Variants in HIRA observed in about 807,000 individuals in gnomAD.
HIRA encodes protein HIRA.
Under a neutral mutation model 126.6 loss-of-function variants are expected in HIRA, and 13 were observed. The ratio of observed to expected loss-of-function variants is 0.10; its 90% CI spans 0.07 to 0.16. The LOEUF is 0.16. Ranked by LOEUF, HIRA falls within the 10% of genes least tolerant of loss-of-function variation. The pLI, the probability that HIRA is intolerant of heterozygous loss-of-function variation, is 1.00. For missense variants in HIRA, 834 were observed against 1,314.4 expected, an observed-to-expected ratio of 0.63 and a Z score of 5.65; for synonymous variants, 511 against 520.0, an observed-to-expected ratio of 0.98 and a Z score of 0.24.
Position 19,431,531 on chromosome 22 carries a change from C to T in HIRA, c.-55G>A, listed in dbSNP as rs2089539453. ...GCGAGCGCCGGGTCCCTCAGCGCGC[C>T]CGGGCCATGGAGCCACCGCCGCCGC... On this transcript the variant is annotated 5_prime_UTR_variant, in exon 1 of 25. Coordinates refer to ENST00000263208, the MANE Select transcript of HIRA (RefSeq NM_003325.4). 5.5e-6 allele frequency: 8 copies of T among 1,465,182 alleles called. No individual in the cohort carries two copies. The highest frequency in any genetic ancestry group is 7.3e-6 in the Non-Finnish European group (8 of 1,102,012). The allele number at this position is 1,465,182 out of a possible 1,614,324, so 90.8% of individuals were successfully genotyped here.
At chr22:19,380,665 A>G (rs2033437592) in intron 13 of HIRA, among the ~76,000 whole-genome samples, 1 of 152,044 alleles carries the variant, frequency 6.6e-6, no homozygotes, top group Admixed American at 6.6e-5. Flanking sequence ...CAGGCTGGAG[A>G]GTGGCACTAT....
chr22:19,396,719 G>A, intron 7 of HIRA, 68 bp downstream of exon 7: 1 of 1,547,380 alleles, frequency 6.5e-7, no homozygotes, highest in Non-Finnish European at 8.8e-7. Flanking sequence ...CTCCCTCTCT[G>A]TACACAGAAG....
At chr22:19,373,931 C>CTTTTTTTTTTTTTTTTT (rs1254884863) in intron 15 of HIRA, among the ~76,000 whole-genome samples, 5 of 149,890 alleles carry the variant, frequency 3.3e-5, no homozygotes, top group South Asian at 2.2e-4. Flanking sequence ...ACTGCTCTGG[C>CTTTTTTTTTTTTTTTTT]TTTTTTGTTC....
chr22:19,429,427 T>C (rs190233594), intron 1 of HIRA, among the ~76,000 whole-genome samples: 397 of 152,196 alleles, frequency 2.6e-3, no homozygotes, highest in African/African-American at 9.0e-3. Context: ...TGTGCCACCG[T>C]GCCCAGCCTC....
intron 1 of HIRA, among the ~76,000 whole-genome samples, chr22:19,423,070 G>A (rs1204544562): frequency 6.6e-6 from 1 of 152,122 alleles, no homozygotes; most frequent in East Asian, 1.9e-4. Context: ...CTCCTTCAAT[G>A]GTGTGGATCC....
intron 1 of HIRA, among the ~76,000 whole-genome samples, chr22:19,422,203 T>TACACAC (rs750767143): frequency 1.8e-5 from 1 of 55,910 alleles, no homozygotes; most frequent in East Asian, 4.8e-4. Context: ...CATACACATA[T>TACACAC]ATATATATAC....
At chr22:19,341,582 G>A (rs1428024972) in intron 24 of HIRA, among the ~76,000 whole-genome samples, 1 of 152,058 alleles carries the variant, frequency 6.6e-6, no homozygotes, top group East Asian at 1.9e-4. Context: ...AAAACAGCAT[G>A]GTACTGGTAT....
rs2089540986 is a variant in HIRA at position 19,431,656 on chromosome 22, C to T, written c.-180G>A. 1.7e-6 allele frequency: 1 copy of T among 580,386 alleles called. No individual in the cohort carries two copies. The highest frequency in any genetic ancestry group is 2.0e-5 in the African/African-American group (1 of 50,124). 36.0% of individuals were successfully genotyped at this position (580,386 alleles called of 1,614,324 possible). ...CGCCCCCCTCCGCCGCCACAGCCGC[C>T]ACCCGCGCTCGGCCGCCGCCGCCGC... On this transcript the variant is annotated 5_prime_UTR_variant, in exon 1 of 25. Transcript: ENST00000263208.
At chr22:19,387,973 G>C (rs1401503852) in intron 10 of HIRA, among the ~76,000 whole-genome samples, 157 bp from the exon 11 acceptor site, 2 of 144,872 alleles carry the variant, frequency 1.4e-5, no homozygotes, top group Admixed American at 6.8e-5. Flanking sequence ...TGGCCTGGGC[G>C]GGGGGGGGAG....
chr22:19,380,387 T>A (rs1302538851), intron 13 of HIRA, among the ~76,000 whole-genome samples: 2 of 152,334 alleles, frequency 1.3e-5, no homozygotes, highest in Non-Finnish European at 1.5e-5. Context: ...CAATGTTTTA[T>A]CACTGATGTG....
chr22:19,365,143 T>C (rs1268162555), intron 15 of HIRA, among the ~76,000 whole-genome samples: 1 of 152,158 alleles, frequency 6.6e-6, no homozygotes, highest in African/African-American at 2.4e-5. Context: ...CTAGCAGAGG[T>C]TGGCTCATGA....
chr22:19,365,189 C>T (rs565673641), intron 15 of HIRA, among the ~76,000 whole-genome samples: 4 of 152,310 alleles, frequency 2.6e-5, no homozygotes, highest in African/African-American at 7.2e-5. Context: ...TAACATAAAA[C>T]GGCAAGGTGA....
intron 22 of HIRA, 107 bp from the exon 23 acceptor site, chr22:19,353,626 G>A: frequency 3.5e-6 from 4 of 1,138,290 alleles, no homozygotes; most frequent in Non-Finnish European, 4.9e-6. Flanking sequence ...CAGGCACCAG[G>A]GCTGCCAAGG....
chr22:19,375,716 C>T lies in HIRA; in HGVS notation c.1690G>A (p.Ala564Thr). Residue 564 changes from alanine (A) to threonine (T), a missense_variant, in exon 15 of 25, where the codon GCG becomes ACG. Physicochemically the swap from Ala to Thr is moderately conservative, Grantham distance 58. Transcript: ENST00000263208. The part of the protein sequence containing the change: ...TTPSKIEPMK[A>T]FDSRFTERSK... Reference sequence around the variant, plus strand: ...CGCTCTGTGAACCGGGAGTCAAACGCTTTCATGGGTTCGATCTTGGACGGG... The same window carrying T: ...CGCTCTGTGAACCGGGAGTCAAACGTTTTCATGGGTTCGATCTTGGACGGG... The T allele has an allele frequency of 6.2e-7, 1 of 1,614,178 alleles. No homozygotes were observed. Among genetic ancestry groups the T allele is most frequent in the Non-Finnish European group, 8.5e-7 (1 of 1,180,036 alleles).
intron 24 of HIRA, among the ~76,000 whole-genome samples, chr22:19,346,041 G>C (rs563388102): frequency 6.6e-6 from 1 of 152,166 alleles, no homozygotes; most frequent in African/African-American, 2.4e-5. Flanking sequence ...TCAATAGATA[G>C]TTCAAAAAAG....
At chr22:19,335,496 C>T (rs902182475) in intron 24 of HIRA, among the ~76,000 whole-genome samples, 2 of 152,136 alleles carry the variant, frequency 1.3e-5, no homozygotes, top group Admixed American at 1.3e-4. Flanking sequence ...CTGTCCACCT[C>T]GGCCTCCCAA....
In HIRA at chr22:19,372,299, T is replaced by C. The variant is rs933358429; in HGVS notation, c.1775+3332A>G. Among the ~76,000 whole-genome samples, 32 of 152,234 alleles carry C rather than the reference T, an allele frequency of 2.1e-4. 1 individual carries two copies. Among genetic ancestry groups the C allele is most frequent in the African/African-American group, 6.5e-4 (27 of 41,458 alleles). Reference sequence around the variant, plus strand: ...AGACCTCCAAATGGGTATGAAGTATTTCATTGAAGTTTTGCTTTGTATTTC... The same window carrying C: ...AGACCTCCAAATGGGTATGAAGTATCTCATTGAAGTTTTGCTTTGTATTTC... On this transcript the variant is annotated intron_variant, in intron 15 of 24. Coordinates refer to ENST00000263208, the MANE Select transcript of HIRA (RefSeq NM_003325.4).
intron 13 of HIRA, among the ~76,000 whole-genome samples, chr22:19,379,516 T>C (rs2089051845): frequency 6.7e-6 from 1 of 150,274 alleles, no homozygotes; most frequent in Non-Finnish European, 1.5e-5. Context: ...TCCCAGCTAC[T>C]TGGGAGGCTG....
intron 5 of HIRA, chr22:19,399,057 G>GC: frequency 1.1e-6 from 1 of 872,174 alleles, no homozygotes; most frequent in Non-Finnish European, 1.4e-6. Context: ...ATAAACTGCT[G>GC]CAACACCATG....
Sources: gnomAD v4.1 joint callset for allele counts (sites outside exome capture counted in the v4.1 genomes callset) on GRCh38, gnomAD v4.1.1 for gene constraint, MANE v1.5 for transcripts, NCBI Gene and HGNC (gene_info 2026-07-23, HGNC 2026-07-21) for gene names.